TRPM3: variants seen among roughly 807,000 people sequenced by gnomAD.
TRPM3 encodes transient receptor potential cation channel subfamily M member 3, also known as long transient receptor potential channel 3.
Under a neutral mutation model 181.2 loss-of-function variants are expected in TRPM3, and 77 were observed. The ratio of observed to expected loss-of-function variants is 0.42; its 90% CI spans 0.35 to 0.51. TRPM3 has a LOEUF of 0.51. Ranked by LOEUF, TRPM3 falls within the 20% of genes least tolerant of loss-of-function variation. The probability of loss-of-function intolerance (pLI) is 0.01; values close to 1 mark genes in which losing one functional copy is unlikely to be tolerated. For missense variants in TRPM3, 1,759 were observed against 2,196.7 expected (o/e 0.80, Z 3.98); for synonymous variants, 745 against 796.4 (o/e 0.94, Z 1.09).
At chr9:70,783,747 G>C in intron 7 of TRPM3, 1 of 686,388 alleles carries the variant, frequency 1.5e-6, no homozygotes, top group Non-Finnish European at 1.8e-6. Context: ...TGAACCATCT[G>C]GTACAGACTG....
intron 25 of TRPM3, among the ~76,000 whole-genome samples, chr9:70,546,858 A>G (rs2045091088): frequency 6.6e-6 from 1 of 152,158 alleles, no homozygotes; most frequent in Non-Finnish European, 1.5e-5. Flanking sequence ...ATTGCTATAT[A>G]AAAGGGAAAG....
chr9:71,426,217 C>G (rs530797768), intron 1 of TRPM3, among the ~76,000 whole-genome samples: 1 of 152,008 alleles, frequency 6.6e-6, no homozygotes, highest in South Asian at 2.1e-4. Flanking sequence ...AATAATTAAT[C>G]AGCTTTATAA....
intron 1 of TRPM3, among the ~76,000 whole-genome samples, chr9:71,320,833 G>A (rs193084956): frequency 4.6e-5 from 7 of 152,088 alleles, no homozygotes; most frequent in East Asian, 1.9e-4. Flanking sequence ...ACATGCCAAC[G>A]AGAAAGTGTT....
chr9:70,852,887 C>T (rs941996139), intron 3 of TRPM3, among the ~76,000 whole-genome samples: 4 of 152,174 alleles, frequency 2.6e-5, no homozygotes, highest in African/African-American at 7.2e-5. Context: ...TTTCATCCAA[C>T]GTGACTTTTC....
At chr9:71,378,121 A>G (rs1038082651) in intron 1 of TRPM3, among the ~76,000 whole-genome samples, 1 of 152,130 alleles carries the variant, frequency 6.6e-6, no homozygotes, top group African/African-American at 2.4e-5. Flanking sequence ...AAGTTTAAAA[A>G]AAGACAACCC....
Position 70,862,900 on chromosome 9 carries a change from C to T in TRPM3, c.462+8G>A. The T allele has an allele frequency of 6.2e-7, 1 of 1,612,994 alleles. No individual in the cohort carries two copies. The highest frequency in any genetic ancestry group is 8.5e-7 in the Non-Finnish European group (1 of 1,179,358). ...CATTTGGGAGCAACTGAATGGCTTTCTGATTACCATGGCTTTGTTGGAATG... is the reference window on the plus strand; with the variant it reads ...CATTTGGGAGCAACTGAATGGCTTTTTGATTACCATGGCTTTGTTGGAATG... On this transcript the variant is annotated splice_region_variant and intron_variant, in intron 3 of 25. Coordinates refer to ENST00000677713, the MANE Select transcript of TRPM3 (RefSeq NM_001366145.2).
chr9:70,876,516 AGT>A (rs1480316686), intron 1 of TRPM3, among the ~76,000 whole-genome samples: 4 of 151,708 alleles, frequency 2.6e-5, no homozygotes, highest in African/African-American at 9.7e-5. Flanking sequence ...TAAAAGATAA[AGT>A]GAGTTTCTGA....
At position 71,389,875 on chromosome 9, in the gene TRPM3, G is replaced by T. The variant is rs147879348; in HGVS notation, c.183+56778C>A. ...GCAAGGGATAGAAGACTACAAATAT[G>T]GTATAGTATATACCAAAAGCTTAAA... is the stretch of plus-strand genomic sequence containing the variant. On this transcript the variant is annotated intron_variant, in intron 1 of 24. Transcript: ENST00000357533. Among the ~76,000 whole-genome samples the T allele has an allele frequency of 9.4e-3, 1,434 of 151,796 alleles. 26 individuals carry two copies. Among genetic ancestry groups the T allele is most frequent in the African/African-American group, 0.032 (1,345 of 41,410 alleles).
At chr9:70,885,387 A>AT (rs768348959) in intron 1 of TRPM3, among the ~76,000 whole-genome samples, 1 of 151,970 alleles carries the variant, frequency 6.6e-6, no homozygotes, top group African/African-American at 2.4e-5. Context: ...TTGAGGGCAA[A>AT]TTTTTTTCCC....
chr9:70,935,120 A>G (rs948912202), intron 1 of TRPM3, among the ~76,000 whole-genome samples: 4 of 152,068 alleles, frequency 2.6e-5, no homozygotes, highest in African/African-American at 9.7e-5. Context: ...CACCTCATGA[A>G]TGCCCACGCA....
At chr9:70,652,032 G>A (rs535722172) in intron 9 of TRPM3, among the ~76,000 whole-genome samples, 103 of 152,276 alleles carry the variant, frequency 6.8e-4, no homozygotes, top group African/African-American at 2.0e-3. Context: ...GCTGAGCAAG[G>A]AGGAATATGA....
At chr9:71,087,117 G>A (rs1020151247) in intron 1 of TRPM3, among the ~76,000 whole-genome samples, 7 of 151,962 alleles carry the variant, frequency 4.6e-5, no homozygotes, top group Non-Finnish European at 7.4e-5. Flanking sequence ...TGGTGACTGG[G>A]AAATTAAAGC....
chr9:71,021,915 A>G (rs1234965719), intron 1 of TRPM3, among the ~76,000 whole-genome samples: 4 of 152,212 alleles, frequency 2.6e-5, no homozygotes. Flanking sequence ...AGGTAGCAAT[A>G]TATCATTGAG....
intron 1 of TRPM3, among the ~76,000 whole-genome samples, chr9:71,339,617 G>A (rs1175389419): frequency 5.3e-5 from 8 of 152,028 alleles, no homozygotes; most frequent in African/African-American, 1.7e-4. Context: ...TCATCTATTT[G>A]GGAAAAGATA....
intron 1 of TRPM3, among the ~76,000 whole-genome samples, chr9:70,873,493 C>A (rs1225804316): frequency 6.6e-6 from 1 of 152,022 alleles, no homozygotes; most frequent in Non-Finnish European, 1.5e-5. Context: ...ACACTTTACG[C>A]TCCAGCAAAC....
chr9:70,675,493 T>C (rs752134291), intron 9 of TRPM3, among the ~76,000 whole-genome samples: 1 of 152,252 alleles, frequency 6.6e-6, no homozygotes, highest in Non-Finnish European at 1.5e-5. Context: ...AGTAGTTGAT[T>C]AATTATTGAT....
At chr9:71,103,175 G>C (rs938845713) in intron 1 of TRPM3, among the ~76,000 whole-genome samples, 5 of 152,102 alleles carry the variant, frequency 3.3e-5, no homozygotes, top group African/African-American at 1.2e-4. Flanking sequence ...ATTACATGCT[G>C]AATTGCAGTG....
At chr9:70,639,260 C>T in intron 10 of TRPM3, 66 bp from the exon 11 acceptor site, 1 of 1,569,280 alleles carries the variant, frequency 6.4e-7, no homozygotes, top group Non-Finnish European at 8.7e-7. Flanking sequence ...CTTTAGTGTT[C>T]ACTTGAACAG....
intron 1 of TRPM3, chr9:70,869,055 A>C (rs759857658): frequency 1.6e-5 from 16 of 985,244 alleles, no homozygotes; most frequent in Non-Finnish European, 1.8e-5. Context: ...ATTTTGCTGC[A>C]GCTAGGGCTG....
Sources: gnomAD v4.1 joint callset for allele counts (sites outside exome capture counted in the v4.1 genomes callset) on GRCh38, gnomAD v4.1.1 for gene constraint, MANE v1.5 for transcripts, NCBI Gene and HGNC (gene_info 2026-07-23, HGNC 2026-07-21) for gene names.